SCYL3: variants seen among roughly 807,000 people sequenced by gnomAD.
SCYL3 encodes the protein SCY1 like pseudokinase 3.
Under a neutral mutation model 73.8 loss-of-function variants are expected in SCYL3, and 35 were observed. The ratio of observed to expected loss-of-function variants is 0.47; its 90% confidence interval spans 0.36 to 0.63. The LOEUF (loss-of-function observed/expected upper bound fraction) is 0.63. SCYL3 is among the 20% of genes least tolerant of loss of function. The pLI, the probability that SCYL3 is intolerant of heterozygous loss-of-function variation, is 0.00. For missense variants in SCYL3, 712 were observed against 798.9 expected (o/e 0.89, Z 1.31); for synonymous variants, 277 against 295.2 (o/e 0.94, Z 0.63).
chr1:169,891,225 C>A (rs1039317315), intron 1 of SCYL3, among the ~76,000 whole-genome samples: 4 of 152,292 alleles, frequency 2.6e-5, no homozygotes, highest in Middle Eastern at 3.4e-3. Context: ...AAGTCAGAAA[C>A]TTTCCAGAGG....
chr1:169,853,568 A>G lies in SCYL3; in HGVS notation c.*145T>C. The G allele has an allele frequency of 1.3e-6, 1 of 794,918 alleles. No homozygotes were observed. Among genetic ancestry groups the G allele is most frequent in the Non-Finnish European group, 2.0e-6 (1 of 489,358 alleles). The allele number at this position is 794,918 out of a possible 1,614,324, so 49.2% of individuals were successfully genotyped here. A position where few individuals can be genotyped will look rare whatever the true frequency, so the allele number is the denominator to read the frequency against. ...GCACTCACAGTCAGTCTCCTACTTC[A>G]GTTGGCACAGACTGGATAATGAGCT... On this transcript the variant is annotated 3_prime_UTR_variant, in exon 13 of 13. Coordinates refer to ENST00000367771, the MANE Select transcript of SCYL3 (RefSeq NM_020423.7).
intron 2 of SCYL3, among the ~76,000 whole-genome samples, chr1:169,881,564 C>A (rs1013950900): frequency 9.2e-5 from 14 of 152,052 alleles, no homozygotes; most frequent in Admixed American, 6.6e-5. Flanking sequence ...ATATTTGTAC[C>A]CATTAATCAA....
At chr1:169,873,777 A>C (rs1266596830) in intron 4 of SCYL3, 25 bp from the exon 5 acceptor site, 1 of 1,536,922 alleles carries the variant, frequency 6.5e-7, no homozygotes, top group Non-Finnish European at 9.0e-7. Flanking sequence ...AAATTAAAGA[A>C]AATGATTCAT....
intron 8 of SCYL3, among the ~76,000 whole-genome samples, chr1:169,865,277 T>G (rs1387606968): frequency 2.0e-5 from 3 of 152,180 alleles, no homozygotes; most frequent in African/African-American, 7.2e-5. Flanking sequence ...ATTACTCCAT[T>G]ATACAATCAC....
In SCYL3 at chr1:169,852,914, G is replaced by A; in HGVS notation, c.*799C>T. The A allele has an allele frequency of 6.2e-7, 1 of 1,614,106 alleles. No individual in the cohort carries two copies. Among genetic ancestry groups the A allele is most frequent in the East Asian group, 2.2e-5 (1 of 44,884 alleles). On this transcript the variant is annotated 3_prime_UTR_variant, in exon 13 of 13. Transcript: ENST00000367771. ...CTCCAAAAGGGTCCTGCTCCAGCCTGGCTTTCAATGGAAATGGAGGCGCTC... is the reference window on the plus strand; with the variant it reads ...CTCCAAAAGGGTCCTGCTCCAGCCTAGCTTTCAATGGAAATGGAGGCGCTC...
At chr1:169,881,866 C>A (rs910095311) in intron 2 of SCYL3, among the ~76,000 whole-genome samples, 11 of 152,234 alleles carry the variant, frequency 7.2e-5, no homozygotes, top group African/African-American at 2.4e-4. Context: ...CATAAGTGCA[C>A]AACCTAGATC....
rs1658954898 is a variant in SCYL3 at position 169,854,678 on chromosome 1, T to A, written c.1599A>T (p.Gly533=). 6.2e-7 allele frequency: 1 copy of A among 1,614,060 alleles called. No homozygotes were observed. Among genetic ancestry groups the A allele is most frequent in the African/African-American group, 1.3e-5 (1 of 75,034 alleles). ...SLDTKVNPGG[G]ITATKPVTSG... ...AGGTAACAGGTTTTGTAGCAGTGAT[T>A]CCACCTCCTGGGTTTACTTTAGTAT... The change falls in exon 12 of 13, where the codon GGA becomes GGT. Residue 533 remains glycine (G), a synonymous_variant. Coordinates refer to ENST00000367771, the MANE Select transcript of SCYL3 (RefSeq NM_020423.7).
chr1:169,851,577 G>A lies in SCYL3; in HGVS notation c.*2136C>T, dbSNP rs993833873. Reference sequence around the variant, plus strand: ...CCAGTTTCTTAGCTTATACAGTAAAGGTTAGCAGACTATCATTTTTTCCTG... The same window carrying A: ...CCAGTTTCTTAGCTTATACAGTAAAAGTTAGCAGACTATCATTTTTTCCTG... On this transcript the variant is annotated 3_prime_UTR_variant, in exon 13 of 13. Transcript: ENST00000367771. 7.5e-5 allele frequency: 40 copies of A among 532,072 alleles called. No homozygotes were observed. Among genetic ancestry groups the A allele is most frequent in the Non-Finnish European group, 1.1e-4 (34 of 302,962 alleles). The allele number at this position is 532,072 out of a possible 1,614,324, so 33.0% of individuals were successfully genotyped here.
At chr1:169,875,496 C>A (rs1279619940) in intron 4 of SCYL3, among the ~76,000 whole-genome samples, 4 of 152,156 alleles carry the variant, frequency 2.6e-5, no homozygotes, top group Admixed American at 6.5e-5. Flanking sequence ...TACTAAGATA[C>A]CATGTATGAA....
Position 169,876,080 on chromosome 1 carries a change from T to C in SCYL3, c.363A>G (p.Thr121=). 8 of 1,582,740 alleles carry C rather than the reference T, an allele frequency of 5.1e-6. No individual in the cohort carries two copies. The highest frequency in any genetic ancestry group is 6.9e-6 in the Non-Finnish European group (8 of 1,166,542). Residue 121 remains threonine (T), a synonymous_variant, in exon 4 of 13, where the codon ACA becomes ACG. Coordinates refer to ENST00000367771, the MANE Select transcript of SCYL3 (RefSeq NM_020423.7). ...LIFLHDRGHL[T]HNNVCLSSVF... ...CAGATGATAAACAGACATTATTGTG[T>C]GTTAGGTGTCCCTGGAAAAAAAAAA...
At chr1:169,871,732 G>A (rs1047683638) in intron 5 of SCYL3, among the ~76,000 whole-genome samples, 3 of 152,196 alleles carry the variant, frequency 2.0e-5, no homozygotes, top group African/African-American at 7.2e-5. Flanking sequence ...CCAGGCTGAG[G>A]TGGTCTCAGA....
chr1:169,872,497 C>T (rs766876303), intron 5 of SCYL3, among the ~76,000 whole-genome samples: 1 of 152,194 alleles, frequency 6.6e-6, no homozygotes, highest in Non-Finnish European at 1.5e-5. Context: ...GGTCGGTGCC[C>T]CCACACAGAG....
At position 169,893,262 on chromosome 1, in the gene SCYL3, G is replaced by A. The variant is rs142065682; in HGVS notation, c.-51+526C>T. Among the ~76,000 whole-genome samples, 18 of 152,320 alleles carry A rather than the reference G, an allele frequency of 1.2e-4. No individual in the cohort carries two copies. The East Asian group carries it at 3.3e-3, about 28-fold the overall frequency. On this transcript the variant is annotated intron_variant, in intron 1 of 12. Coordinates refer to ENST00000367771, the MANE Select transcript of SCYL3 (RefSeq NM_020423.7). ...AAACAGAAAGCACTATGCCAAGACAGGAGCCAGCTGGGCCTTGGGGGACGG... is the reference window on the plus strand; with the variant it reads ...AAACAGAAAGCACTATGCCAAGACAAGAGCCAGCTGGGCCTTGGGGGACGG...
rs2102216595 is a variant in SCYL3, at chr1:169,888,779, G to A, written c.62C>T (p.Pro21Leu). The change falls in exon 2 of 13, where the codon CCC becomes CTC. Residue 21 changes from proline (P) to leucine (L), a missense_variant. Coordinates refer to ENST00000367771, the MANE Select transcript of SCYL3 (RefSeq NM_020423.7). The part of the protein sequence containing the change: ...YTLREPPFTL[P>L]SGLAVYPAVL... ...AGCGGGATAAACAGCAAGTCCAGAG[G>A]GTAAGGTAAATGGTGGTTCTCTCAG... 6.2e-7 allele frequency: 1 copy of A among 1,613,970 alleles called. No homozygotes were observed. The highest frequency in any genetic ancestry group is 1.6e-4 in the Middle Eastern group (1 of 6,062).
intron 12 of SCYL3, 87 bp from the exon 13 acceptor site, chr1:169,853,859 A>C: frequency 3.4e-6 from 5 of 1,477,104 alleles, no homozygotes; most frequent in Non-Finnish European, 4.7e-6. Context: ...AGGAATTTAA[A>C]ATTTATCTTT....
chr1:169,869,083 T>C, intron 6 of SCYL3, 44 bp from the exon 7 acceptor site: 1 of 1,492,716 alleles, frequency 6.7e-7, no homozygotes, highest in Middle Eastern at 1.7e-4. Flanking sequence ...CTTCTCCCTC[T>C]TTTCAGGACC....
At chr1:169,879,910 C>T (rs950906682) in intron 2 of SCYL3, among the ~76,000 whole-genome samples, 2 of 152,096 alleles carry the variant, frequency 1.3e-5, no homozygotes, top group Admixed American at 1.3e-4. Flanking sequence ...ATGAATATGA[C>T]AGAATACAGA....
At chr1:169,883,920 C>G (rs1661487972) in intron 2 of SCYL3, among the ~76,000 whole-genome samples, 1 of 152,034 alleles carries the variant, frequency 6.6e-6, no homozygotes, top group Non-Finnish European at 1.5e-5. Flanking sequence ...TGGGGTTTCA[C>G]TATGTTGGCC....
chr1:169,873,723 G>A lies in SCYL3; in HGVS notation c.495C>T (p.Asp165=). ...TCTCTTCAGGAGGGATAGATGCTGG[G>A]TCTCTTATTGACTGAATACTCCTCA... ...EFLRSIQSIR[D]PASIPPEEMS... is the part of the protein sequence containing the mutation. Residue 165 remains aspartate (D), a synonymous_variant, in exon 5 of 13, where the codon GAC becomes GAT. Transcript: ENST00000367771. The A allele has an allele frequency of 7.5e-6, 12 of 1,603,820 alleles. No individual in the cohort carries two copies. The highest frequency in any genetic ancestry group is 1.0e-5 in the Non-Finnish European group (12 of 1,171,234).
Sources: gnomAD v4.1 joint callset for allele counts (sites outside exome capture counted in the v4.1 genomes callset) on GRCh38, gnomAD v4.1.1 for gene constraint, MANE v1.5 for transcripts, NCBI Gene and HGNC (gene_info 2026-07-23, HGNC 2026-07-21) for gene names.